ATP8B3: variants seen among roughly 807,000 people sequenced by gnomAD.
ATP8B3 encodes ATPase phospholipid transporting 8B3.
A neutral mutation model predicts 140.9 loss-of-function variants in ATP8B3; 141 were observed. That is an observed-to-expected ratio of 1.00 (90% CI 0.87 to 1.15). ATP8B3 has a LOEUF of 1.15. ATP8B3 is among the 50% of genes most tolerant of loss of function. ATP8B3 has a pLI of 0.00. For synonymous variants in ATP8B3, 765 were observed against 714.6 expected, an observed-to-expected ratio of 1.07 and a Z score of -1.13; for missense variants, 1,874 against 1,740.6, an observed-to-expected ratio of 1.08 and a Z score of -1.36.
Position 1,811,507 on chromosome 19 carries a change from T to C in ATP8B3, c.230A>G (p.Tyr77Cys). 4 of 1,611,876 alleles carry C rather than the reference T, an allele frequency of 2.5e-6. No homozygotes were observed. Among genetic ancestry groups the C allele is most frequent in the Non-Finnish European group, 3.4e-6 (4 of 1,179,636 alleles). Reference protein sequence around the residue: ...HKAQPGRARKYEWRPEGPTSM... With the variant: ...HKAQPGRARKCEWRPEGPTSM... ...TCCTCACCCTTCTGGTCTCCATTCA[T>C]ACTTCCTAGCCCGGCCAGGCTGGGC... The change falls in exon 2 of 29, where the codon TAT becomes TGT. Residue 77 changes from tyrosine to cysteine, a missense_variant. Tyr to Cys is a radical substitution (Grantham distance 194). Around this residue, in one of 3 missense-constraint regions of ATP8B3, gnomAD observed 1,032 missense variants for 963.6 expected, o/e 1.07. Transcript: ENST00000310127.
At position 1,789,077 on chromosome 19, in the gene ATP8B3, C is replaced by CTG. The variant is rs776488822; in HGVS notation, c.2887_2888dup (p.Gln963HisfsTer47). ...GCACGAAGTCGCTGTTCTGAACTGC[C>CTG]TGCATGCCCTCCTGGCCCGCCAGCC... On this transcript the variant is annotated frameshift_variant, in exon 24 of 29. Transcript: ENST00000310127. LOFTEE classifies it high-confidence loss of function. 142 of 1,588,668 alleles carry CTG rather than the reference C, an allele frequency of 8.9e-5. No individual in the cohort carries two copies. The East Asian group carries it at 2.7e-3, about 30-fold the overall frequency.
chr19:1,803,318 C>A (rs571742835), intron 10 of ATP8B3, among the ~76,000 whole-genome samples: 5 of 152,288 alleles, frequency 3.3e-5, no homozygotes, highest in African/African-American at 1.2e-4. Context: ...TCACCTGCCT[C>A]CCCATCGCGT....
At chr19:1,810,517 G>C in intron 3 of ATP8B3, 105 bp downstream of exon 3, 1 of 1,158,498 alleles carries the variant, frequency 8.6e-7, no homozygotes, top group Non-Finnish European at 1.2e-6. Flanking sequence ...ACCCGCCTCA[G>C]CCTCCCAAAG....
Position 1,801,859 on chromosome 19 carries a change from C to T in ATP8B3, c.1152+97G>A, listed in dbSNP as rs114448009. On this transcript the variant is annotated intron_variant, in intron 12 of 28. Transcript: ENST00000310127. ...GACCTGCCCACAGGATCAGGCCGCA[C>T]ATTTTGCAGAAGAAGGAAACTGAGG... 1,781 of 920,334 alleles carry T rather than the reference C, an allele frequency of 1.9e-3. 25 individuals carry two copies. The African/African-American group carries it at 0.026, about 13-fold the overall frequency. The allele number at this position is 920,334 out of a possible 1,614,324, so 57.0% of individuals were successfully genotyped here.
At chr19:1,788,098 T>G (rs2068365276) in intron 24 of ATP8B3, among the ~76,000 whole-genome samples, 1 of 152,094 alleles carries the variant, frequency 6.6e-6, no homozygotes, top group Non-Finnish European at 1.5e-5. Flanking sequence ...CTAAGGGGTT[T>G]CTGTAAAGCT....
Position 1,809,690 on chromosome 19 carries a change from GC to G in ATP8B3, c.354del (p.Gln119SerfsTer6). The G allele has an allele frequency of 6.2e-7, 1 of 1,611,580 alleles. No homozygotes were observed. The highest frequency in any genetic ancestry group is 8.5e-7 in the Non-Finnish European group (1 of 1,179,180). On this transcript the variant is annotated frameshift_variant, in exon 4 of 29. Transcript: ENST00000310127. LOFTEE classifies it high-confidence loss of function. ...KVQANNRAYNGQFKEKVILCW... is the reference protein window; with the variant it reads ...KVQANNRAYNXQFKEKVILCW... Reference sequence around the variant, plus strand: ...CACAGGATCACCTTCTCCTTGAACTGCCCGTTGTAGGCACGGTTGTTGGCCT... The same window carrying G: ...CACAGGATCACCTTCTCCTTGAACTGCCGTTGTAGGCACGGTTGTTGGCCT...
rs769111330 is a variant in ATP8B3 at position 1,783,235 on chromosome 19, A to T, written c.3696T>A (p.Ile1232=). 7 of 1,610,858 alleles carry T rather than the reference A, an allele frequency of 4.3e-6. No homozygotes were observed. Among genetic ancestry groups the T allele is most frequent in the Non-Finnish European group, 5.9e-6 (7 of 1,178,628 alleles). ...CATGAGGCAAGGGCTCCATGGTGAA[A>T]ATCTCCTCGCTGGGGCCCTCCTCCA... ...EKVEEGPSEE[I]FTMEPLPHVH... The change falls in exon 29 of 29, where the codon ATT becomes ATA. Residue 1232 remains isoleucine, a synonymous_variant. Transcript: ENST00000310127.
At chr19:1,790,874 C>A (rs1331079277) in intron 20 of ATP8B3, 42 bp from the exon 21 acceptor site, 2 of 1,541,830 alleles carry the variant, frequency 1.3e-6, no homozygotes, top group Middle Eastern at 1.7e-4. Context: ...ACCCGCCCCG[C>A]ACTGGCTGCC....
Position 1,788,912 on chromosome 19 carries a change from G to T in ATP8B3, c.3054C>A (p.Asn1018Lys). Residue 1018 changes from asparagine (N) to lysine (K), a missense_variant, in exon 24 of 29, where the codon AAC (asparagine) becomes AAA (lysine). By Grantham distance (94) the Asn-to-Lys change is moderately conservative. This residue lies in a region of ATP8B3 where 840 missense variants were observed against 760.9 expected (regional missense o/e 1.10). Transcript: ENST00000310127. ...MMVQVWFACY[N>K]GFTGQPLYEG... is the part of the protein sequence containing the mutation. The stretch of plus-strand genomic sequence containing the variant: ...GGGGACGCACCTGGCCGGTGAAGCC[G>T]TTGTAGCAGGCAAACCAGACCTGCA... 1 of 1,597,122 alleles carries T rather than the reference G, an allele frequency of 6.3e-7. No homozygotes were observed. Among genetic ancestry groups the T allele is most frequent in the Non-Finnish European group, 8.5e-7 (1 of 1,172,570 alleles).
At chr19:1,785,859 G>A (rs191578627) in intron 25 of ATP8B3, among the ~76,000 whole-genome samples, 151 bp from the exon 26 acceptor site, 5 of 152,238 alleles carry the variant, frequency 3.3e-5, no homozygotes, top group East Asian at 1.9e-4. Flanking sequence ...GGCCAGGCAC[G>A]GTGGCACACG....
At chr19:1,783,740 G>A (rs762010155) in intron 28 of ATP8B3, among the ~76,000 whole-genome samples, 3 of 152,226 alleles carry the variant, frequency 2.0e-5, no homozygotes, top group Admixed American at 1.3e-4. Flanking sequence ...GAGAACAGAG[G>A]TGGCAGGGCA....
intron 27 of ATP8B3, 47 bp downstream of exon 27, chr19:1,785,112 C>T: frequency 6.7e-7 from 1 of 1,495,568 alleles, no homozygotes; most frequent in Non-Finnish European, 8.9e-7. Flanking sequence ...TCCATCGGGG[C>T]TCCCCTGCAC....
chr19:1,789,324 C>T, intron 23 of ATP8B3, 37 bp downstream of exon 23: 3 of 1,459,522 alleles, frequency 2.1e-6, no homozygotes, highest in East Asian at 2.6e-5. Context: ...GCCCCCCACT[C>T]GTCCCAGGCA....
In ATP8B3 at chr19:1,807,360, C is replaced by A. The variant is rs80159363; in HGVS notation, c.517-94G>T. The A allele has an allele frequency of 2.0e-6, 2 of 976,402 alleles. No homozygotes were observed. Among genetic ancestry groups the A allele is most frequent in the Admixed American group, 1.9e-5 (1 of 53,606 alleles). The allele number at this position is 976,402 out of a possible 1,614,324, so 60.5% of individuals were successfully genotyped here. A position where few individuals can be genotyped will look rare whatever the true frequency, so the allele number is the denominator to read the frequency against. On this transcript the variant is annotated intron_variant, in intron 5 of 28. Coordinates refer to ENST00000310127, the MANE Select transcript of ATP8B3 (RefSeq NM_138813.4). This position sits in a 1 kb window ranked among gnomAD's most constrained non-coding sequence, Gnocchi z 5.9. ...CGACCTAGCCCCGCACTCGACACCA[C>A]GTGACACATCTGCTGGCCACCTTGA...
At position 1,790,444 on chromosome 19, in the gene ATP8B3, C is replaced by A. The variant is rs182280234; in HGVS notation, c.2378+313G>T. Among the ~76,000 whole-genome samples, 30 of 4,716 alleles carry A rather than the reference C, an allele frequency of 6.4e-3. 4 individuals are homozygous for A. The highest frequency in any genetic ancestry group is 0.042 in the African/African-American group (29 of 692). 3.1% of individuals were successfully genotyped at this position (4,716 alleles called of 152,430 possible). ...CTCCCCTCCCTTCCCTCTCCCCTACCCTCTCCCTCCACTGCCCACTTCGCC... is the reference window on the plus strand; with the variant it reads ...CTCCCCTCCCTTCCCTCTCCCCTACACTCTCCCTCCACTGCCCACTTCGCC... On this transcript the variant is annotated intron_variant, in intron 21 of 28. Transcript: ENST00000310127.
intron 10 of ATP8B3, among the ~76,000 whole-genome samples, chr19:1,804,692 G>C (rs929222322): frequency 1.3e-5 from 2 of 152,052 alleles, no homozygotes; most frequent in African/African-American, 4.8e-5. Context: ...TGTAATCCCA[G>C]CTACTCAGGA....
intron 14 of ATP8B3, 140 bp from the exon 15 acceptor site, chr19:1,797,145 C>T (rs1344100873): frequency 3.0e-6 from 4 of 1,344,230 alleles, no homozygotes; most frequent in Non-Finnish European, 4.1e-6. Context: ...GGAACCGACA[C>T]CCCGAGCAAT....
rs2068263295 is a variant in ATP8B3, at chr19:1,785,145, C to T, written c.3532+14G>A. ...CACCACGACCGCCCGTCCCACTTCC[C>T]CATGGGGGCTCACACAGAAACGGGA... is the stretch of plus-strand genomic sequence containing the variant. On this transcript the variant is annotated intron_variant, in intron 27 of 28. Coordinates refer to ENST00000310127, the MANE Select transcript of ATP8B3 (RefSeq NM_138813.4). 1.9e-6 allele frequency: 3 copies of T among 1,548,104 alleles called. No individual in the cohort carries two copies. Among genetic ancestry groups the T allele is most frequent in the Non-Finnish European group, 2.6e-6 (3 of 1,148,046 alleles).
intron 27 of ATP8B3, 60 bp from the exon 28 acceptor site, chr19:1,785,006 T>A (rs1172897839): frequency 2.2e-5 from 34 of 1,557,018 alleles, no homozygotes; most frequent in African/African-American, 2.7e-5. Flanking sequence ...GCCCCCAGGC[T>A]AGGGAGCGCC....
Sources: allele counts gnomAD v4.1 joint callset (sites outside exome capture counted in the v4.1 genomes callset), GRCh38; gene constraint gnomAD v4.1.1; regional missense constraint gnomAD v4.1.1; non-coding constraint Gnocchi (gnomAD v3.1); transcripts MANE v1.5; gene names NCBI Gene and HGNC (gene_info 2026-07-23, HGNC 2026-07-21).